The following CELF2 variants were observed in gnomAD, a reference collection of about 807,000 sequenced individuals.
CELF2 encodes the protein CUG triplet repeat RNA-binding protein 2.
In CELF2, 8 loss-of-function variants were observed where a neutral mutation model predicts 62.6. The observed-to-expected ratio is 0.13, with a 90% confidence interval of 0.07 to 0.23. CELF2 has a LOEUF of 0.23. Among genes scored for constraint, CELF2 ranks in the 10% least tolerant of loss-of-function variants. CELF2 has a pLI of 1.00. For synonymous variants in CELF2, 258 were observed against 250.0 expected (o/e 1.03, Z -0.30); for missense variants, 333 against 671.0 (o/e 0.50, Z 5.56).
rs185656403 is a variant in CELF2, at chr10:11,296,771, A to G, written c.976+8219A>G. 4.6e-5 allele frequency among the ~76,000 whole-genome samples: 7 copies of G among 152,308 alleles called. 1 individual carries two copies. The East Asian group carries it at 7.7e-4, about 17-fold the overall frequency. The stretch of plus-strand genomic sequence containing the variant: ...TGACAGGAGAGATTCTGCCCCAAGG[A>G]AGTAAGGGAAATTTTAGTAGAAGAG... On this transcript the variant is annotated intron_variant, in intron 9 of 12. Transcript: ENST00000633077. The surrounding 1 kb of genome is among the most constrained non-coding windows in gnomAD (Gnocchi z 5.0).
chr10:10,487,240 A>G, the CELF2 span, among the ~76,000 whole-genome samples: 1 of 152,180 alleles, frequency 6.6e-6, no homozygotes, highest in Non-Finnish European at 1.5e-5. Flanking sequence ...TTAGTTGCCA[A>G]TGTTTTACTT....
the CELF2 span, among the ~76,000 whole-genome samples, chr10:10,737,119 A>G: frequency 1.3e-5 from 2 of 152,206 alleles, no homozygotes; most frequent in South Asian, 2.1e-4. Context: ...AGAGGAAAAA[A>G]GTATAAGTCT....
intron 1 of CELF2, among the ~76,000 whole-genome samples, chr10:11,108,402 A>G (rs2054236406): frequency 6.7e-6 from 1 of 149,750 alleles, no homozygotes; most frequent in Non-Finnish European, 1.5e-5. Context: ...CTGTTTTGCT[A>G]GGTGTGCATC....
rs962254526 is a variant in CELF2, at chr10:11,011,766, T to A, written c.53+6326T>A. On this transcript the variant is annotated intron_variant, in intron 1 of 12. Coordinates refer to the CELF2 transcript ENST00000416382. This position sits in a 1 kb window ranked among gnomAD's most constrained non-coding sequence, Gnocchi z 4.6. Reference sequence around the variant, plus strand: ...GTTCTTTTAAGAGAAAGAAAAAAAATTTCCCCTAATGGACTTCATGGGAAT... The same window carrying A: ...GTTCTTTTAAGAGAAAGAAAAAAAAATTCCCCTAATGGACTTCATGGGAAT... Among the ~76,000 whole-genome samples the A allele has an allele frequency of 9.9e-5, 15 of 151,812 alleles. No homozygotes were observed. Among genetic ancestry groups the A allele is most frequent in the African/African-American group, 3.4e-4 (14 of 41,208 alleles).
At chr10:10,838,734 G>C (rs2058472759) in intron 1 of CELF2, among the ~76,000 whole-genome samples, 1 of 151,960 alleles carries the variant, frequency 6.6e-6, no homozygotes, top group Admixed American at 6.6e-5. Context: ...GTTTTGTTTT[G>C]TTATATTTTG....
chr10:11,180,412 A>C (rs2072915406), intron 2 of CELF2, among the ~76,000 whole-genome samples: 1 of 152,178 alleles, frequency 6.6e-6, no homozygotes, highest in South Asian at 2.1e-4. Flanking sequence ...CATCTGCAGG[A>C]TGAACAGGGC....
At chr10:10,708,946 G>A in the CELF2 span, among the ~76,000 whole-genome samples, 7 of 152,074 alleles carry the variant, frequency 4.6e-5, no homozygotes, top group South Asian at 4.1e-4. Context: ...AAATGAATGC[G>A]TCATTATATA....
chr10:11,037,051 A>T (rs189685148), intron 1 of CELF2, among the ~76,000 whole-genome samples: 2 of 145,298 alleles, frequency 1.4e-5, no homozygotes, highest in South Asian at 4.6e-4. Flanking sequence ...CACCCACTGT[A>T]TTAGTCCGTT....
chr10:10,652,410 C>A, the CELF2 span, among the ~76,000 whole-genome samples: 30,102 of 119,560 alleles, frequency 0.25, 3,681 homozygotes, highest in South Asian at 0.44. Flanking sequence ...AACTCCAAGA[C>A]ACATAATTGT....
At chr10:11,100,401 G>A (rs1279174966) in intron 1 of CELF2, among the ~76,000 whole-genome samples, 2 of 144,090 alleles carry the variant, frequency 1.4e-5, no homozygotes, top group African/African-American at 4.9e-5. Flanking sequence ...AGTTTTTGGG[G>A]TACAGGTTGT....
At chr10:10,761,348 A>G in the CELF2 span, among the ~76,000 whole-genome samples, 1 of 152,228 alleles carries the variant, frequency 6.6e-6, no homozygotes, top group Admixed American at 6.5e-5. Context: ...AGTTTTTGAC[A>G]GGTTAAATTT....
At chr10:11,009,365 G>A (rs189159146) in intron 1 of CELF2, among the ~76,000 whole-genome samples, 48 of 152,066 alleles carry the variant, frequency 3.2e-4, no homozygotes, top group African/African-American at 1.0e-3. Context: ...GTGTGTGTGC[G>A]TGCGCGCGTC....
chr10:10,689,937 C>T, the CELF2 span, among the ~76,000 whole-genome samples: 1 of 152,094 alleles, frequency 6.6e-6, no homozygotes, highest in Admixed American at 6.5e-5. Context: ...GGAGGACATT[C>T]CAAGCACCAG....
the CELF2 span, among the ~76,000 whole-genome samples, chr10:10,577,591 T>C: frequency 6.7e-6 from 1 of 149,280 alleles, no homozygotes; most frequent in Non-Finnish European, 1.5e-5. Context: ...TTCCCACCTA[T>C]GAGTGAGAAC....
chr10:10,813,763 A>G (rs1417363540), intron 1 of CELF2, among the ~76,000 whole-genome samples: 2 of 152,238 alleles, frequency 1.3e-5, no homozygotes, highest in Non-Finnish European at 2.9e-5. Flanking sequence ...TTACAGTTTT[A>G]CAAAAACAGG....
chr10:10,793,509 G>A (rs981176097), upstream of CELF2, among the ~76,000 whole-genome samples: 5 of 152,144 alleles, frequency 3.3e-5, no homozygotes, highest in African/African-American at 1.2e-4. Context: ...CCAAGTCACT[G>A]TGCATAAAAT....
the CELF2 span, among the ~76,000 whole-genome samples, chr10:10,783,101 C>T: frequency 6.6e-6 from 1 of 152,094 alleles, no homozygotes; most frequent in African/African-American, 2.4e-5. Flanking sequence ...GAAGGGTTTT[C>T]ACTCTTTCTG....
intron 3 of CELF2, among the ~76,000 whole-genome samples, chr10:11,231,144 C>T (rs181184076): frequency 2.0e-5 from 3 of 152,270 alleles, no homozygotes; most frequent in Non-Finnish European, 2.9e-5. Context: ...GTAAGATTTC[C>T]CCTTGAGTGA....
the CELF2 span, among the ~76,000 whole-genome samples, chr10:10,758,387 A>G: frequency 6.6e-6 from 1 of 152,314 alleles, no homozygotes; most frequent in East Asian, 1.9e-4. Context: ...TATCAGCACT[A>G]CGACTCTTTG....
Sources: gnomAD v4.1 joint callset for allele counts (sites outside exome capture counted in the v4.1 genomes callset) on GRCh38, gnomAD v4.1.1 for gene constraint, Gnocchi (gnomAD v3.1) non-coding constraint, MANE v1.5 for transcripts, NCBI Gene and HGNC (gene_info 2026-07-23, HGNC 2026-07-21) for gene names.